The following DGKB variants were observed in gnomAD, a reference collection of about 807,000 sequenced individuals.
The protein encoded by DGKB is 90 kDa diacylglycerol kinase.
A neutral mutation model predicts 114.3 loss-of-function variants in DGKB; 67 were observed. The ratio of observed to expected loss-of-function variants is 0.59; its 90% CI spans 0.48 to 0.72. The LOEUF (loss-of-function observed/expected upper bound fraction) is 0.72, where lower values mean the gene tolerates loss of function less well. Among genes scored for constraint, DGKB ranks in the 30% least tolerant of loss-of-function variants. The pLI is 0.00. For synonymous variants in DGKB, 398 were observed against 323.1 expected (o/e 1.23, Z -2.49); for missense variants, 907 against 975.2 (o/e 0.93, Z 0.93).
intron 20 of DGKB, among the ~76,000 whole-genome samples, chr7:14,496,692 G>T (rs920570214): frequency 1.3e-5 from 2 of 151,776 alleles, no homozygotes; most frequent in African/African-American, 4.8e-5. Context: ...AAATGCATCA[G>T]TGACAAAGAG....
intron 23 of DGKB, among the ~76,000 whole-genome samples, chr7:14,215,109 C>T (rs17167969): frequency 0.035 from 5,347 of 152,208 alleles, 221 homozygotes; most frequent in African/African-American, 0.099. Flanking sequence ...ATGATTATGA[C>T]CGGAGGCAGC....
chr7:14,404,547 A>G (rs1192138609), intron 21 of DGKB, among the ~76,000 whole-genome samples: 1 of 151,942 alleles, frequency 6.6e-6, no homozygotes, highest in East Asian at 1.9e-4. Context: ...AGTTGCATGA[A>G]ATTAACATTT....
intron 21 of DGKB, among the ~76,000 whole-genome samples, chr7:14,358,930 G>A (rs1815146009): frequency 6.6e-6 from 1 of 152,114 alleles, no homozygotes; most frequent in Non-Finnish European, 1.5e-5. Flanking sequence ...TTTCTTCACA[G>A]AATTGGAAAA....
At chr7:14,894,952 A>G (rs1367821013) in intron 1 of DGKB, among the ~76,000 whole-genome samples, 2 of 151,630 alleles carry the variant, frequency 1.3e-5, no homozygotes, top group African/African-American at 4.8e-5. Flanking sequence ...AAACAACATT[A>G]TATAACAATA....
intron 14 of DGKB, among the ~76,000 whole-genome samples, chr7:14,624,855 C>T (rs1366082139): frequency 2.6e-5 from 4 of 151,810 alleles, no homozygotes; most frequent in South Asian, 2.1e-4. Flanking sequence ...AAAATATAGT[C>T]GGGCATGGTG....
At chr7:14,880,979 G>T (rs996309850) in intron 1 of DGKB, among the ~76,000 whole-genome samples, 1 of 151,884 alleles carries the variant, frequency 6.6e-6, no homozygotes. Context: ...CTATTTTATT[G>T]AATAAATAAA....
chr7:14,486,601 C>G (rs1783847458), intron 20 of DGKB, among the ~76,000 whole-genome samples: 1 of 152,130 alleles, frequency 6.6e-6, no homozygotes. Flanking sequence ...GCCAACTCCA[C>G]TAGAAGAAAG....
rs181162127 is a variant in DGKB at position 14,748,048 on chromosome 7, C to T, written c.168+5880G>A. Among the ~76,000 whole-genome samples the T allele has an allele frequency of 2.0e-5, 3 of 152,278 alleles. No individual in the cohort carries two copies. The East Asian group carries it at 5.8e-4, about 29-fold the overall frequency. ...GAGAAGACACTAGTATTCATCCATGCAGATTCAAAGTGAATGAAAATAAAT... is the reference window on the plus strand; with the variant it reads ...GAGAAGACACTAGTATTCATCCATGTAGATTCAAAGTGAATGAAAATAAAT... On this transcript the variant is annotated intron_variant, in intron 4 of 25. Coordinates refer to ENST00000402815, the MANE Select transcript of DGKB (RefSeq NM_001350709.2).
intron 1 of DGKB, among the ~76,000 whole-genome samples, chr7:14,847,743 ATT>A (rs972683090): frequency 5.9e-5 from 9 of 152,272 alleles, no homozygotes; most frequent in African/African-American, 2.2e-4. Flanking sequence ...TCCTGATTTC[ATT>A]TAAGAGATTC....
chr7:14,950,940 C>A (rs1298166529), intron 1 of DGKB, among the ~76,000 whole-genome samples: 1 of 151,568 alleles, frequency 6.6e-6, no homozygotes, highest in East Asian at 1.9e-4. Flanking sequence ...TGGTTTACAT[C>A]CAAACATCAT....
chr7:14,890,682 G>A (rs774442790), intron 1 of DGKB, among the ~76,000 whole-genome samples: 1 of 150,936 alleles, frequency 6.6e-6, no homozygotes, highest in Non-Finnish European at 1.5e-5. Flanking sequence ...CATAGCACTG[G>A]GGAAAATACA....
intron 21 of DGKB, among the ~76,000 whole-genome samples, chr7:14,393,440 A>G (rs910505130): frequency 6.6e-6 from 1 of 152,138 alleles, no homozygotes; most frequent in Admixed American, 6.5e-5. Flanking sequence ...AAAGCACTCA[A>G]TATTATATTT....
At chr7:14,895,575 T>A (rs748720153) in intron 1 of DGKB, among the ~76,000 whole-genome samples, 18 of 151,682 alleles carry the variant, frequency 1.2e-4, no homozygotes, top group Non-Finnish European at 3.0e-5. Context: ...TTTAGGTCTG[T>A]TCATATCCGT....
intron 2 of DGKB, among the ~76,000 whole-genome samples, chr7:14,825,016 G>GTA (rs67135250): frequency 0.11 from 10,030 of 91,136 alleles, 545 homozygotes; most frequent in Non-Finnish European, 0.15. Flanking sequence ...GTATGTGTAT[G>GTA]TATATATATA....
At chr7:14,335,413 C>T (rs556624077) in intron 23 of DGKB, among the ~76,000 whole-genome samples, 1 of 151,972 alleles carries the variant, frequency 6.6e-6, no homozygotes, top group Admixed American at 6.5e-5. Flanking sequence ...AAGAAACTAT[C>T]TAAAGTTTAT....
intron 20 of DGKB, among the ~76,000 whole-genome samples, chr7:14,561,711 T>C (rs148725108): frequency 3.9e-5 from 6 of 152,222 alleles, no homozygotes; most frequent in South Asian, 2.1e-4. Context: ...GCTTTGAACT[T>C]GAGAGAGATG....
intron 1 of DGKB, among the ~76,000 whole-genome samples, chr7:14,933,099 G>A (rs960535970): frequency 2.0e-5 from 3 of 152,130 alleles, no homozygotes; most frequent in Non-Finnish European, 2.9e-5. Context: ...CACCTTTGTT[G>A]TCACAGAGCA....
At chr7:14,296,221 G>A (rs1042075696) in intron 23 of DGKB, among the ~76,000 whole-genome samples, 17 of 151,702 alleles carry the variant, frequency 1.1e-4, no homozygotes, top group African/African-American at 3.1e-4. Flanking sequence ...TAATAGAGAC[G>A]GGGTTTCACC....
At chr7:14,673,801 C>A (rs928789429) in intron 12 of DGKB, among the ~76,000 whole-genome samples, 1 of 152,004 alleles carries the variant, frequency 6.6e-6, no homozygotes, top group Admixed American at 6.6e-5. Flanking sequence ...TAAAATAATA[C>A]TTGCTTGAGG....
Sources: gnomAD v4.1 joint callset for allele counts (sites outside exome capture counted in the v4.1 genomes callset) on GRCh38, gnomAD v4.1.1 for gene constraint, MANE v1.5 for transcripts, NCBI Gene and HGNC (gene_info 2026-07-23, HGNC 2026-07-21) for gene names.